The following BCL6 variants were observed in gnomAD, a reference collection of about 807,000 sequenced individuals.
The protein encoded by BCL6 is BCL6 transcription repressor, also known as B-cell lymphoma 6 protein.
Under a neutral mutation model 59.5 loss-of-function variants are expected in BCL6, and 7 were observed. That is an observed-to-expected ratio of 0.12 (90% CI 0.07 to 0.22). BCL6 has a LOEUF of 0.22. BCL6 is among the 10% of genes least tolerant of loss of function. The pLI, the probability that BCL6 is intolerant of heterozygous loss-of-function variation, is 1.00. For synonymous variants in BCL6, 339 were observed against 349.7 expected, an observed-to-expected ratio of 0.97 and a Z score of 0.34; for missense variants, 685 against 939.4, an observed-to-expected ratio of 0.73 and a Z score of 3.54.
intron 1 of BCL6, among the ~76,000 whole-genome samples, chr3:187,743,810 CCGCCG>C (rs950246879): frequency 6.6e-6 from 1 of 151,780 alleles, no homozygotes; most frequent in Non-Finnish European, 1.5e-5. Flanking sequence ...CGGGCCGCCG[CCGCCG>C]CGCCTTCCCC....
rs1449536978 is a variant in BCL6, at chr3:187,725,329, G to A, written c.1839+170C>T. ...GCTCACCTGCCCGCTCTGCTCACCT[G>A]CACACGGGGACTGAGTGGGACTTTC... On this transcript the variant is annotated intron_variant, in intron 8 of 9. Coordinates refer to ENST00000406870, the MANE Select transcript of BCL6 (RefSeq NM_001706.5). This position sits in a 1 kb window ranked among gnomAD's most constrained non-coding sequence, Gnocchi z 4.7. Among the ~76,000 whole-genome samples the A allele has an allele frequency of 6.6e-6, 1 of 151,446 alleles. No homozygotes were observed. The highest frequency in any genetic ancestry group is 1.5e-5 in the Non-Finnish European group (1 of 67,886).
rs1347130242 is a variant in BCL6 at position 187,729,811 on chromosome 3, G to T, written c.594C>A (p.Tyr198Ter). 1 of 1,614,096 alleles carries T rather than the reference G, an allele frequency of 6.2e-7. No individual in the cohort carries two copies. Among genetic ancestry groups the T allele is most frequent in the Admixed American group, 1.7e-5 (1 of 60,010 alleles). The change falls in exon 5 of 10, where the codon TAC becomes TAA. Residue 198 changes from tyrosine (Y) to a stop codon, truncating the protein, a stop_gained. Transcript: ENST00000406870. LOFTEE classifies it high-confidence loss of function. The surrounding 1 kb of genome is among the most constrained non-coding windows in gnomAD (Gnocchi z 5.6). ...LSTPPASYSM[Y>*]SHLPVSSLLF... is the part of the protein sequence containing the mutation. ...GGAGGCTGCTGACAGGGAGGTGGCT[G>T]TACATGGAATAAGAGGCTGGCGGTG...
At chr3:187,722,968 CTG>C (rs1302535253) in intron 9 of BCL6, among the ~76,000 whole-genome samples, 2 of 152,238 alleles carry the variant, frequency 1.3e-5, no homozygotes, top group African/African-American at 4.8e-5. Flanking sequence ...CTTTGAGCCT[CTG>C]TAAGATTTCT....
intron 1 of BCL6, among the ~76,000 whole-genome samples, chr3:187,744,964 A>G (rs1711849261): frequency 6.6e-6 from 1 of 152,108 alleles, no homozygotes. Flanking sequence ...CCCCCAGACT[A>G]GCCCGAATCA....
At position 187,729,870 on chromosome 3, in the gene BCL6, C is replaced by T. The variant is rs368005490; in HGVS notation, c.535G>A (p.Ala179Thr). The stretch of plus-strand genomic sequence containing the variant: ...CCACTGTACAGGCTGGGGGCAAAGG[C>T]TCTGCTCTCACACCCAGGGGCGCTC... ...LRSAPGCESR[A>T]FAPSLYSGLS... Residue 179 changes from alanine (A) to threonine (T), a missense_variant, in exon 5 of 10, where the codon GCC becomes ACC. Physicochemically the swap from Ala to Thr is moderately conservative, Grantham distance 58 (BLOSUM62 0). Coordinates refer to ENST00000406870, the MANE Select transcript of BCL6 (RefSeq NM_001706.5). The surrounding 1 kb of genome is among the most constrained non-coding windows in gnomAD (Gnocchi z 5.6). 2 of 1,614,118 alleles carry T rather than the reference C, an allele frequency of 1.2e-6. No homozygotes were observed. Among genetic ancestry groups the T allele is most frequent in the African/African-American group, 1.3e-5 (1 of 75,044 alleles).
At chr3:187,724,773 A>C (rs1249662337) in intron 9 of BCL6, 168 bp downstream of exon 9, 1 of 973,840 alleles carries the variant, frequency 1.0e-6, no homozygotes, top group East Asian at 2.7e-5. Flanking sequence ...CATTGGGCCC[A>C]GATCTAGGTC....
At chr3:187,732,511 T>C (rs994213341) in intron 3 of BCL6, 2 of 200,120 alleles carry the variant, frequency 1.0e-5, no homozygotes, top group South Asian at 5.9e-5. Flanking sequence ...CCAGGTGCCA[T>C]GCTGTCTGGT....
Position 187,731,807 on chromosome 3 carries a change from G to A in BCL6, c.285C>T (p.Leu95=), listed in dbSNP as rs1719059652. 1 of 1,614,160 alleles carries A rather than the reference G, an allele frequency of 6.2e-7. No individual in the cohort carries two copies. The highest frequency in any genetic ancestry group is 8.5e-7 in the Non-Finnish European group (1 of 1,180,042). ...ILLDFMYTSR[L]NLREGNIMAV... ...CCATGATGTTGCCCTCCCGCAAATT[G>A]AGCCGAGATGTGTACATGAAGTCCA... is the stretch of plus-strand genomic sequence containing the variant. Residue 95 remains leucine (L), a synonymous_variant, in exon 4 of 10, where the codon CTC becomes CTT. Transcript: ENST00000406870.
chr3:187,738,101 A>G (rs1050881678), intron 1 of BCL6, among the ~76,000 whole-genome samples: 1 of 151,846 alleles, frequency 6.6e-6, no homozygotes, highest in East Asian at 1.9e-4. Flanking sequence ...CTCACCCACA[A>G]CAGTTTATAA....
rs1401083474 is a variant in BCL6 at position 187,728,495 on chromosome 3, A to G, written c.1405T>C (p.Tyr469His). The G allele has an allele frequency of 6.2e-7, 1 of 1,611,380 alleles. No homozygotes were observed. The highest frequency in any genetic ancestry group is 2.2e-5 in the East Asian group (1 of 44,810). ...RSSSESHSPL[Y>H]MHPPKCTSCG... Reference sequence around the variant, plus strand: ...GACGTGCACTTCGGGGGGTGCATGTAGAGTGGTGAGTGGCTCTCGCTGCTG... The same window carrying G: ...GACGTGCACTTCGGGGGGTGCATGTGGAGTGGTGAGTGGCTCTCGCTGCTG... The change falls in exon 6 of 10, where the codon TAC becomes CAC. Residue 469 changes from tyrosine (Y) to histidine (H), a missense_variant. Coordinates refer to ENST00000406870, the MANE Select transcript of BCL6 (RefSeq NM_001706.5).
chr3:187,723,751 C>G (rs1718534131), intron 9 of BCL6, among the ~76,000 whole-genome samples: 1 of 152,194 alleles, frequency 6.6e-6, no homozygotes. Flanking sequence ...GTGTCCCCAG[C>G]ATGTCATTTC....
At chr3:187,744,462 G>C (rs181261290) in intron 1 of BCL6, among the ~76,000 whole-genome samples, 4 of 152,090 alleles carry the variant, frequency 2.6e-5, no homozygotes, top group Admixed American at 6.5e-5. Context: ...CCGCCCCCAA[G>C]CTCCCCAAAA....
chr3:187,743,848 G>C, intron 1 of BCL6, among the ~76,000 whole-genome samples: 1 of 151,928 alleles, frequency 6.6e-6, no homozygotes, highest in East Asian at 1.9e-4. Context: ...CTCGAGGAGA[G>C]CCACAGGTTG....
At chr3:187,737,078 T>G (rs1719312922) in intron 1 of BCL6, 1 of 152,298 alleles carries the variant, frequency 6.6e-6, no homozygotes, top group Admixed American at 6.5e-5. Context: ...GGAGCAGGGC[T>G]GTCAATGAGA....
intron 1 of BCL6, among the ~76,000 whole-genome samples, chr3:187,744,023 T>C (rs2108482749): frequency 2.0e-5 from 3 of 152,270 alleles, no homozygotes; most frequent in Admixed American, 6.5e-5. Context: ...TGGGGCTCTG[T>C]TCGTCTTTCT....
chr3:187,745,236 A>C (rs550865615), intron 1 of BCL6, among the ~76,000 whole-genome samples, 174 bp downstream of exon 1: 3 of 152,292 alleles, frequency 2.0e-5, no homozygotes, highest in East Asian at 1.9e-4. Flanking sequence ...ATACATTTAT[A>C]TCAATAGATA....
intron 1 of BCL6, among the ~76,000 whole-genome samples, chr3:187,744,829 CAAGCGAGAAAAGAGGG>C (rs1711827185): frequency 1.3e-5 from 2 of 152,016 alleles, no homozygotes; most frequent in African/African-American, 4.8e-5. Context: ...AAGCAGTTTG[CAAGCGAGAAAAGAGGG>C]AAAAAACACA....
intron 3 of BCL6, among the ~76,000 whole-genome samples, 177 bp downstream of exon 3, chr3:187,733,356 C>CCATT (rs941405791): frequency 6.6e-5 from 10 of 151,962 alleles, no homozygotes; most frequent in East Asian, 1.9e-4. Context: ...GTGCATTCAT[C>CCATT]CATTCATTCA....
chr3:187,744,790 A>C (rs1711821432), intron 1 of BCL6, among the ~76,000 whole-genome samples: 1 of 149,426 alleles, frequency 6.7e-6, no homozygotes, highest in African/African-American at 2.4e-5. Flanking sequence ...GAGGGAGGGA[A>C]GCGGAGGCCA....
Sources: allele counts gnomAD v4.1 joint callset (sites outside exome capture counted in the v4.1 genomes callset), GRCh38; gene constraint gnomAD v4.1.1; non-coding constraint Gnocchi (gnomAD v3.1); transcripts MANE v1.5; gene names NCBI Gene and HGNC (gene_info 2026-07-23, HGNC 2026-07-21).